DDOST: variants seen among roughly 807,000 people sequenced by gnomAD.
The protein encoded by DDOST is dolichyl-diphosphooligosaccharide--protein glycosyltransferase 48 kDa subunit.
DDOST carries 25 observed loss-of-function variants against 47.6 expected under a neutral mutation model. The ratio of observed to expected loss-of-function variants is 0.53; its 90% confidence interval spans 0.38 to 0.73. The LOEUF (loss-of-function observed/expected upper bound fraction) is 0.73. DDOST is among the 30% of genes least tolerant of loss of function. DDOST has a pLI of 0.00. For synonymous variants in DDOST, 275 were observed against 236.0 expected (o/e 1.17, Z -1.51); for missense variants, 526 against 573.9 (o/e 0.92, Z 0.85).
chr1:20,658,015 G>A (rs937177165), intron 2 of DDOST, among the ~76,000 whole-genome samples: 1 of 152,168 alleles, frequency 6.6e-6, no homozygotes, highest in Non-Finnish European at 1.5e-5. Context: ...ACACCCTACA[G>A]TACACAGGAC....
At chr1:20,661,137 C>A in intron 1 of DDOST, 60 bp downstream of exon 1, 5 of 1,561,278 alleles carry the variant, frequency 3.2e-6, no homozygotes, top group Non-Finnish European at 4.4e-6. Context: ...GTGGTCAATG[C>A]CCTCGATGCT....
rs1457977450 is a variant in DDOST at position 20,655,430 on chromosome 1, A to G, written c.551+10T>C. 6.2e-7 allele frequency: 1 copy of G among 1,603,392 alleles called. No homozygotes were observed. The highest frequency in any genetic ancestry group is 1.1e-5 in the South Asian group (1 of 90,738). ...GGTTTCTGCTGTCCTCTCCCTGCTC[A>G]CTCACTCACCCAACACCTCGAAAGA... On this transcript the variant is annotated intron_variant, in intron 5 of 10. Coordinates refer to ENST00000602624, the MANE Select transcript of DDOST (RefSeq NM_005216.5).
Position 20,660,910 on chromosome 1 carries a change from T to A in DDOST, c.236A>T (p.Asn79Ile). 1 of 1,612,454 alleles carries A rather than the reference T, an allele frequency of 6.2e-7. No homozygotes were observed. Among genetic ancestry groups the A allele is most frequent in the East Asian group, 2.2e-5 (1 of 44,846 alleles). The change falls in exon 2 of 11, where the codon AAT becomes ATT. Residue 79 changes from asparagine (N) to isoleucine (I), a missense_variant. Coordinates refer to ENST00000602624, the MANE Select transcript of DDOST (RefSeq NM_005216.5). ...TACCGAAGGGGAGAAAATGATGAGA[T>A]TGTCATAGAGGAATTCCCCATACTT... ...LIKYGEFLYDNLIIFSPSVED... is the reference protein window; with the variant it reads ...LIKYGEFLYDILIIFSPSVED...
intron 8 of DDOST, 106 bp downstream of exon 8, chr1:20,653,517 CTTTA>C (rs1199775999): frequency 3.0e-5 from 35 of 1,182,328 alleles, no homozygotes; most frequent in Non-Finnish European, 4.0e-5. Context: ...ACTTATTCAT[CTTTA>C]TTTATGCCCT....
In DDOST at chr1:20,652,618, T is replaced by C. The variant is rs1557570471; in HGVS notation, c.1170+3A>G. 1 of 1,614,106 alleles carries C rather than the reference T, an allele frequency of 6.2e-7. No homozygotes were observed. The highest frequency in any genetic ancestry group is 8.5e-7 in the Non-Finnish European group (1 of 1,179,922). Reference sequence around the variant, plus strand: ...GAAAACAGAAGCTGTCACCTGTGCTTACCTGAGTGGAAGAGTACAGGTGTG... The same window carrying C: ...GAAAACAGAAGCTGTCACCTGTGCTCACCTGAGTGGAAGAGTACAGGTGTG... On this transcript the variant is annotated splice_donor_region_variant and intron_variant, in intron 10 of 10. Coordinates refer to ENST00000602624, the MANE Select transcript of DDOST (RefSeq NM_005216.5).
Position 20,661,260 on chromosome 1 carries a change from A to T in DDOST, c.91T>A (p.Leu31Ile). Residue 31 changes from leucine to isoleucine, a missense_variant, in exon 1 of 11, where the codon TTA becomes ATA. Leu to Ile is a conservative substitution (Grantham distance 5). Transcript: ENST00000602624. ...ACGTTGAGGTTGTCCAGCAGCACTAAGGTGCGGGGTCCGCTGGCGCAAACC... is the reference window on the plus strand; with the variant it reads ...ACGTTGAGGTTGTCCAGCAGCACTATGGTGCGGGGTCCGCTGGCGCAAACC... ...GAVCASGPRT[L>I]VLLDNLNVRE... The T allele has an allele frequency of 6.2e-7, 1 of 1,614,060 alleles. No homozygotes were observed. Among genetic ancestry groups the T allele is most frequent in the Non-Finnish European group, 8.5e-7 (1 of 1,180,024 alleles).
intron 2 of DDOST, among the ~76,000 whole-genome samples, chr1:20,657,313 C>T (rs1354119780): frequency 6.6e-6 from 1 of 152,162 alleles, no homozygotes; most frequent in Non-Finnish European, 1.5e-5. Context: ...AGCCGCTGGA[C>T]GATTCTGAGC....
At chr1:20,655,588 G>A in intron 4 of DDOST, 54 bp from the exon 5 acceptor site, 1 of 1,597,264 alleles carries the variant, frequency 6.3e-7, no homozygotes, top group Non-Finnish European at 8.6e-7. Context: ...CCCAAGCCAG[G>A]GAGAACCTCC....
intron 5 of DDOST, among the ~76,000 whole-genome samples, chr1:20,655,167 T>G (rs1053050879): frequency 8.6e-6 from 1 of 116,062 alleles, no homozygotes; most frequent in East Asian, 2.4e-4. Context: ...GCCAACTTTT[T>G]TTTGTTTTTT....
chr1:20,654,363 A>G lies in DDOST; in HGVS notation c.654T>C (p.His218=), dbSNP rs750286377. ...FPDKPITQYP[H]AVGKNTLLIA... ...TGAGGAGGGTGTTCTTCCCCACCGCATGTGGATACTGGGAACAAAACGAGG... is the reference window on the plus strand; with the variant it reads ...TGAGGAGGGTGTTCTTCCCCACCGCGTGTGGATACTGGGAACAAAACGAGG... The change falls in exon 7 of 11, where the codon CAT becomes CAC. Residue 218 remains histidine, a synonymous_variant. Coordinates refer to ENST00000602624, the MANE Select transcript of DDOST (RefSeq NM_005216.5). 3 of 1,553,720 alleles carry G rather than the reference A, an allele frequency of 1.9e-6. No individual in the cohort carries two copies. The highest frequency in any genetic ancestry group is 2.6e-6 in the Non-Finnish European group (3 of 1,147,576).
intron 2 of DDOST, chr1:20,660,601 G>A (rs2053424173): frequency 3.6e-6 from 1 of 277,322 alleles, no homozygotes; most frequent in Non-Finnish European, 6.9e-6. Context: ...TTTTTATCAG[G>A]CCCTTTACAG....
chr1:20,653,451 A>G (rs562994088), intron 8 of DDOST, among the ~76,000 whole-genome samples, 176 bp downstream of exon 8: 1 of 152,364 alleles, frequency 6.6e-6, no homozygotes, highest in South Asian at 2.1e-4. Flanking sequence ...CTATTAGGAC[A>G]TCAGTTTTCA....
intron 5 of DDOST, 59 bp from the exon 6 acceptor site, chr1:20,654,766 G>A: frequency 8.7e-7 from 1 of 1,151,264 alleles, no homozygotes; most frequent in Non-Finnish European, 1.3e-6. Flanking sequence ...AAGGACATGG[G>A]ATCCCCGAGA....
At position 20,660,921 on chromosome 1, in the gene DDOST, G is replaced by C. The variant is rs1408934262; in HGVS notation, c.225C>G (p.Phe75Leu). Residue 75 changes from phenylalanine to leucine, a missense_variant, in exon 2 of 11, where the codon TTC becomes TTG. Transcript: ENST00000602624. ...AGAAAATGATGAGATTGTCATAGAGGAATTCCCCATACTTTATGAGAGACA... is the reference window on the plus strand; with the variant it reads ...AGAAAATGATGAGATTGTCATAGAGCAATTCCCCATACTTTATGAGAGACA... ...PSLSLIKYGE[F>L]LYDNLIIFSP... 1.2e-6 allele frequency: 2 copies of C among 1,613,156 alleles called. No homozygotes were observed. Among genetic ancestry groups the C allele is most frequent in the African/African-American group, 2.7e-5 (2 of 74,868 alleles).
rs869053335 is a variant in DDOST at position 20,655,171 on chromosome 1, GTTTT to G, written c.551+265_551+268del. On this transcript the variant is annotated intron_variant, in intron 5 of 10. Coordinates refer to ENST00000602624, the MANE Select transcript of DDOST (RefSeq NM_005216.5). ...CACTGCGCTCGGCCAACTTTTTTTT[GTTTT>G]TTTTTTTTTTTTTTTTTTTTAAAGA... 0.23 allele frequency among the ~76,000 whole-genome samples: 17,582 copies of G among 77,436 alleles called. 1,142 individuals are homozygous for G. The highest frequency in any genetic ancestry group is 0.29 in the Middle Eastern group (34 of 116). 50.8% of individuals were successfully genotyped at this position (77,436 alleles called of 152,430 possible). A position where few individuals can be genotyped will look rare whatever the true frequency, so the allele number is the denominator to read the frequency against.
rs572336404 is a variant in DDOST, at chr1:20,654,719, C to T, written c.552-12G>A. 1.1e-5 allele frequency: 17 copies of T among 1,545,802 alleles called. No homozygotes were observed. The highest frequency in any genetic ancestry group is 1.7e-4 in the Middle Eastern group (1 of 6,000). ...GATCGGCCACCATCCTGCAGCAGGA[C>T]GAGAGCAGCCCAGCACTGGCCCCAG... On this transcript the variant is annotated splice_polypyrimidine_tract_variant and intron_variant, in intron 5 of 10. Coordinates refer to ENST00000602624, the MANE Select transcript of DDOST (RefSeq NM_005216.5).
intron 7 of DDOST, among the ~76,000 whole-genome samples, chr1:20,654,002 T>C (rs2053332616): frequency 6.6e-6 from 1 of 152,160 alleles, no homozygotes; most frequent in Non-Finnish European, 1.5e-5. Context: ...AAAGGAACGG[T>C]GGAGGTTAGG....
In DDOST at chr1:20,654,722, G is replaced by C. The variant is rs1440945597; in HGVS notation, c.552-15C>G. 3 of 1,542,072 alleles carry C rather than the reference G, an allele frequency of 1.9e-6. No homozygotes were observed. Among genetic ancestry groups the C allele is most frequent in the African/African-American group, 1.4e-5 (1 of 73,060 alleles). On this transcript the variant is annotated splice_polypyrimidine_tract_variant and intron_variant, in intron 5 of 10. Transcript: ENST00000602624. Reference sequence around the variant, plus strand: ...CGGCCACCATCCTGCAGCAGGACGAGAGCAGCCCAGCACTGGCCCCAGGAA... The same window carrying C: ...CGGCCACCATCCTGCAGCAGGACGACAGCAGCCCAGCACTGGCCCCAGGAA...
chr1:20,658,798 A>G (rs1037101934), intron 2 of DDOST, among the ~76,000 whole-genome samples: 1 of 150,614 alleles, frequency 6.6e-6, no homozygotes, highest in South Asian at 2.1e-4. Flanking sequence ...TTCGGTGGTA[A>G]TTCTGGGCTC....
Sources: allele counts gnomAD v4.1 joint callset (sites outside exome capture counted in the v4.1 genomes callset), GRCh38; gene constraint gnomAD v4.1.1; transcripts MANE v1.5; gene names NCBI Gene and HGNC (gene_info 2026-07-23, HGNC 2026-07-21).